FBXO21: variants seen among roughly 807,000 people sequenced by gnomAD.
FBXO21 encodes F-box protein 21.
In FBXO21, 32 loss-of-function variants were observed where a neutral mutation model predicts 76.6. That is an observed-to-expected ratio of 0.42 (90% confidence interval 0.32 to 0.56). FBXO21 has a LOEUF of 0.56. Ranked by LOEUF, FBXO21 falls within the 20% of genes least tolerant of loss-of-function variation. FBXO21 has a pLI of 0.16. For missense variants in FBXO21, 586 were observed against 797.3 expected (o/e 0.73, Z 3.19); for synonymous variants, 328 against 311.5 (o/e 1.05, Z -0.56).
chr12:117,149,037 C>A (rs1955809972), intron 11 of FBXO21, among the ~76,000 whole-genome samples: 1 of 152,230 alleles, frequency 6.6e-6, no homozygotes, highest in African/African-American at 2.4e-5. Context: ...CTGCTGCCAC[C>A]TCCCTCTTCA....
intron 7 of FBXO21, among the ~76,000 whole-genome samples, chr12:117,170,096 A>G (rs75358544): frequency 0.015 from 2,219 of 150,600 alleles, 59 homozygotes; most frequent in African/African-American, 0.052. Flanking sequence ...ATCTCTGTAT[A>G]TCATTAATAC....
chr12:117,176,610 G>A (rs1486778098), intron 4 of FBXO21, among the ~76,000 whole-genome samples: 1 of 151,970 alleles, frequency 6.6e-6, no homozygotes, highest in Non-Finnish European at 1.5e-5. Flanking sequence ...GGAAGGGGGG[G>A]TAATGTTCAT....
At chr12:117,175,273 C>T (rs1198559043) in intron 4 of FBXO21, among the ~76,000 whole-genome samples, 1 of 152,186 alleles carries the variant, frequency 6.6e-6, no homozygotes, top group Non-Finnish European at 1.5e-5. Context: ...AATTACACAT[C>T]TCAAGGGTGA....
intron 3 of FBXO21, 22 bp from the exon 4 acceptor site, chr12:117,177,663 G>C (rs1279996420): frequency 6.2e-7 from 1 of 1,606,924 alleles, no homozygotes; most frequent in Non-Finnish European, 8.5e-7. Flanking sequence ...AAGTCAGTAA[G>C]AATTAAGATT....
chr12:117,150,326 A>C (rs142557553), intron 11 of FBXO21, among the ~76,000 whole-genome samples: 2 of 152,278 alleles, frequency 1.3e-5, no homozygotes, highest in East Asian at 3.9e-4. Context: ...AGCTACCCCA[A>C]AATATATGAA....
chr12:117,149,786 T>C (rs1955818270), intron 11 of FBXO21, among the ~76,000 whole-genome samples: 1 of 152,186 alleles, frequency 6.6e-6, no homozygotes, highest in South Asian at 2.1e-4. Flanking sequence ...CAGCCTGGTG[T>C]TGGTAACATT....
chr12:117,173,728 C>T (rs1244256869), intron 6 of FBXO21, among the ~76,000 whole-genome samples: 3 of 152,158 alleles, frequency 2.0e-5, no homozygotes, highest in African/African-American at 7.2e-5. Context: ...CATGAGGAAA[C>T]AGATAAACTC....
chr12:117,158,047 T>C lies in FBXO21; in HGVS notation c.1343A>G (p.Gln448Arg), dbSNP rs1169377057. ...IWPEKVLDIL[Q>R]HIQTLDPGQH... ...CCCCGGGTCTAGGGTTTGGATGTGC[T>C]GGAGGATGTCAAGCACCTTCAAAAC... Residue 448 changes from glutamine to arginine, a missense_variant, in exon 10 of 12, where the codon CAG (glutamine) becomes CGG (arginine). This residue lies in a region of FBXO21 where 164 missense variants were observed against 236.7 expected (regional missense o/e 0.69). Coordinates refer to ENST00000622495, the MANE Select transcript of FBXO21 (RefSeq NM_015002.3). The C allele has an allele frequency of 6.2e-7, 1 of 1,614,236 alleles. No individual in the cohort carries two copies. Among genetic ancestry groups the C allele is most frequent in the Non-Finnish European group, 8.5e-7 (1 of 1,180,042 alleles).
At chr12:117,188,215 TC>T (rs1331997873) in intron 2 of FBXO21, among the ~76,000 whole-genome samples, 2 of 152,320 alleles carry the variant, frequency 1.3e-5, no homozygotes, top group African/African-American at 4.8e-5. Flanking sequence ...TGGATTATTT[TC>T]CAGAGTTACA....
At chr12:117,169,597 A>C (rs914396135) in intron 7 of FBXO21, among the ~76,000 whole-genome samples, 9 of 152,262 alleles carry the variant, frequency 5.9e-5, no homozygotes, top group African/African-American at 2.2e-4. Context: ...GCTATTAATA[A>C]AACTTAGCAA....
At position 117,166,951 on chromosome 12, in the gene FBXO21, A is replaced by G. The variant is rs1956059848; in HGVS notation, c.1140T>C (p.Asn380=). The part of the protein sequence containing the change: ...HVTAALYGVV[N]VKKVLQRMVG... ...CCATTCTCTGTAACACCTTCTTGACATTGACCACCCCATACAGTGCTGCAG... is the reference window on the plus strand; with the variant it reads ...CCATTCTCTGTAACACCTTCTTGACGTTGACCACCCCATACAGTGCTGCAG... The change falls in exon 8 of 12, where the codon AAT becomes AAC. Residue 380 remains asparagine, a synonymous_variant. Coordinates refer to ENST00000622495, the MANE Select transcript of FBXO21 (RefSeq NM_015002.3). 1.9e-6 allele frequency: 3 copies of G among 1,614,220 alleles called. No homozygotes were observed. Among genetic ancestry groups the G allele is most frequent in the African/African-American group, 2.7e-5 (2 of 75,064 alleles).
chr12:117,189,921 A>G (rs114461778), intron 1 of FBXO21, among the ~76,000 whole-genome samples: 1,762 of 152,254 alleles, frequency 0.012, 31 homozygotes, highest in African/African-American at 0.041. Context: ...TTTCAGCCCG[A>G]AGTCGGGCAC....
intron 9 of FBXO21, 53 bp from the exon 10 acceptor site, chr12:117,158,116 C>G: frequency 6.2e-7 from 1 of 1,607,082 alleles, no homozygotes; most frequent in Non-Finnish European, 8.5e-7. Context: ...TAGGCCTTTT[C>G]TTTTTTGCGG....
rs374405525 is a variant in FBXO21 at position 117,157,845 on chromosome 12, T to G, written c.1517+28A>C. 4.5e-6 allele frequency: 7 copies of G among 1,570,264 alleles called. No individual in the cohort carries two copies. In the African/African-American group the frequency reaches 6.7e-5, roughly 15 times the overall value. On this transcript the variant is annotated intron_variant, in intron 10 of 11. Transcript: ENST00000622495. ...TCTGCAGCCCCTCTGGAACGGACACTGCAGGACAGATGATCCCGGGCACTC... is the reference window on the plus strand; with the variant it reads ...TCTGCAGCCCCTCTGGAACGGACACGGCAGGACAGATGATCCCGGGCACTC...
At chr12:117,159,500 C>G (rs1565998340) in intron 9 of FBXO21, among the ~76,000 whole-genome samples, 1 of 152,104 alleles carries the variant, frequency 6.6e-6, no homozygotes, top group East Asian at 1.9e-4. Context: ...TTAACTACTA[C>G]AAAAAGTTCC....
chr12:117,152,119 G>A (rs1360771530), intron 11 of FBXO21, among the ~76,000 whole-genome samples: 1 of 151,766 alleles, frequency 6.6e-6, no homozygotes, highest in Non-Finnish European at 1.5e-5. Flanking sequence ...CTCCCAGCTG[G>A]CAGACATCAT....
chr12:117,158,517 G>A (rs1955942466), intron 9 of FBXO21, among the ~76,000 whole-genome samples: 1 of 151,822 alleles, frequency 6.6e-6, no homozygotes, highest in Admixed American at 6.6e-5. Flanking sequence ...GAATTCAGAG[G>A]GGAAAAAAAA....
intron 7 of FBXO21, among the ~76,000 whole-genome samples, chr12:117,168,204 TC>T (rs1414300905): frequency 6.6e-6 from 1 of 152,180 alleles, no homozygotes; most frequent in Non-Finnish European, 1.5e-5. Flanking sequence ...TCGAATTTCT[TC>T]CTTGAGTCAT....
chr12:117,144,249 T>C lies in FBXO21; in HGVS notation c.*1838A>G, dbSNP rs890319641. The C allele has an allele frequency of 6.6e-6, 1 of 152,238 alleles. No homozygotes were observed. Among genetic ancestry groups the C allele is most frequent in the Non-Finnish European group, 1.5e-5 (1 of 68,052 alleles). 9.4% of individuals were successfully genotyped at this position (152,238 alleles called of 1,614,324 possible). ...TATTAATGCATCTCATTCATATTAA[T>C]TAATTCCGTATTATCAAACTTTCCC... On this transcript the variant is annotated 3_prime_UTR_variant, in exon 12 of 12. Coordinates refer to ENST00000622495, the MANE Select transcript of FBXO21 (RefSeq NM_015002.3).
Sources: gnomAD v4.1 joint callset for allele counts (sites outside exome capture counted in the v4.1 genomes callset) on GRCh38, gnomAD v4.1.1 for gene constraint, gnomAD v4.1.1 regional missense constraint, MANE v1.5 for transcripts, NCBI Gene and HGNC (gene_info 2026-07-23, HGNC 2026-07-21) for gene names.